Variants in KMT5B observed in about 807,000 individuals in gnomAD.
KMT5B encodes lysine methyltransferase 5B.
In KMT5B, 10 loss-of-function variants were observed where a neutral mutation model predicts 83.2. The observed-to-expected ratio is 0.12, with a 90% CI of 0.07 to 0.20. The LOEUF (loss-of-function observed/expected upper bound fraction) is 0.20, where lower values mean the gene tolerates loss of function less well. Among genes scored for constraint, KMT5B ranks in the 10% least tolerant of loss-of-function variants. The probability of loss-of-function intolerance (pLI) is 1.00; values close to 1 mark genes in which losing one functional copy is unlikely to be tolerated. For missense variants in KMT5B, 753 were observed against 1,067.2 expected (o/e 0.71, Z 4.10); for synonymous variants, 349 against 388.8 (o/e 0.90, Z 1.20).
chr11:68,163,785 T>C (rs763958024), intron 10 of KMT5B, among the ~76,000 whole-genome samples: 5 of 152,258 alleles, frequency 3.3e-5, no homozygotes, highest in African/African-American at 9.6e-5. Context: ...GTGTTAGAAT[T>C]TGGAAGCAGC....
intron 10 of KMT5B, among the ~76,000 whole-genome samples, chr11:68,163,961 T>G (rs1297583176): frequency 1.3e-5 from 2 of 152,162 alleles, no homozygotes; most frequent in African/African-American, 4.8e-5. Context: ...TTGTGGCACC[T>G]GCAGAGACCC....
chr11:68,213,095 C>G (rs1332443241), intron 1 of KMT5B, 43 bp downstream of exon 1: 1 of 138,658 alleles, frequency 7.2e-6, no homozygotes, highest in Non-Finnish European at 1.6e-5. Flanking sequence ...CCGAGGCCGC[C>G]CCCCGCACAC....
At chr11:68,194,467 A>G (rs1858476740) in intron 1 of KMT5B, among the ~76,000 whole-genome samples, 1 of 152,200 alleles carries the variant, frequency 6.6e-6, no homozygotes, top group Non-Finnish European at 1.5e-5. Context: ...TGCTACGATT[A>G]CAGGCATGAG....
At chr11:68,189,858 G>T in intron 2 of KMT5B, 59 bp downstream of exon 2, 1 of 1,503,544 alleles carries the variant, frequency 6.7e-7, no homozygotes, top group Non-Finnish European at 9.0e-7. Flanking sequence ...ATTACAAACT[G>T]GAAAGAATTA....
chr11:68,167,321 C>T (rs574007586), intron 9 of KMT5B, 143 bp from the exon 10 acceptor site: 224 of 897,170 alleles, frequency 2.5e-4, no homozygotes, highest in Non-Finnish European at 3.2e-4. Flanking sequence ...AAGACTAGAA[C>T]TCACAAAGGA....
intron 1 of KMT5B, among the ~76,000 whole-genome samples, chr11:68,190,486 C>T (rs1292736382): frequency 6.6e-6 from 1 of 152,148 alleles, no homozygotes; most frequent in Non-Finnish European, 1.5e-5. Flanking sequence ...GAGGAAGGCA[C>T]TGTTATCACA....
At chr11:68,170,134 G>A (rs1161771772) in intron 9 of KMT5B, among the ~76,000 whole-genome samples, 5 of 152,174 alleles carry the variant, frequency 3.3e-5, no homozygotes, top group Non-Finnish European at 4.4e-5. Context: ...TTTTAAAGTG[G>A]GAGAAGTGAC....
intron 1 of KMT5B, among the ~76,000 whole-genome samples, chr11:68,198,806 T>G (rs2153081486): frequency 6.6e-6 from 1 of 152,334 alleles, no homozygotes; most frequent in South Asian, 2.1e-4. Context: ...CTTGGCTCAC[T>G]GCAACCTCCG....
chr11:68,185,646 G>T, intron 3 of KMT5B, 135 bp downstream of exon 3: 1 of 780,500 alleles, frequency 1.3e-6, no homozygotes, highest in Non-Finnish European at 1.9e-6. Flanking sequence ...TTGGCTCACA[G>T]ACAGAAAACC....
intron 1 of KMT5B, among the ~76,000 whole-genome samples, chr11:68,211,751 G>A (rs922445264): frequency 6.6e-6 from 1 of 152,192 alleles, no homozygotes; most frequent in Admixed American, 6.5e-5. Context: ...GAGGAATGCC[G>A]GGCAGGGCAC....
chr11:68,166,380 C>G, intron 10 of KMT5B: 1 of 1,021,734 alleles, frequency 9.8e-7, no homozygotes, highest in Non-Finnish European at 1.2e-6. Flanking sequence ...CTTCTTTCTC[C>G]TTTCCATCTT....
chr11:68,210,209 G>A (rs1231393210), intron 1 of KMT5B, among the ~76,000 whole-genome samples: 2 of 151,926 alleles, frequency 1.3e-5, no homozygotes, highest in African/African-American at 4.8e-5. Context: ...AAATGCAACT[G>A]GCATTGTAGG....
chr11:68,174,504 T>G (rs915865086), intron 5 of KMT5B, among the ~76,000 whole-genome samples: 2 of 152,234 alleles, frequency 1.3e-5, no homozygotes, highest in Admixed American at 1.3e-4. Context: ...ATAATGAATT[T>G]CACCTCTATA....
chr11:68,195,780 A>C lies in KMT5B; in HGVS notation c.-76-5628T>G, dbSNP rs145426614. 7.2e-5 allele frequency among the ~76,000 whole-genome samples: 11 copies of C among 152,372 alleles called. No homozygotes were observed. The East Asian group carries it at 2.1e-3, about 29-fold the overall frequency. On this transcript the variant is annotated intron_variant, in intron 1 of 10. Coordinates refer to ENST00000304363, the MANE Select transcript of KMT5B (RefSeq NM_017635.5). ...TTTTTTAAATGAAAGAACACAGAGCAGAATATTTCACAATGCATCCCACAT... is the reference window on the plus strand; with the variant it reads ...TTTTTTAAATGAAAGAACACAGAGCCGAATATTTCACAATGCATCCCACAT...
intron 1 of KMT5B, among the ~76,000 whole-genome samples, chr11:68,191,875 T>A (rs966698934): frequency 4.6e-5 from 7 of 152,252 alleles, no homozygotes; most frequent in African/African-American, 1.4e-4. Flanking sequence ...CACTGACTCA[T>A]CCAGAGCAAC....
At position 68,165,573 on chromosome 11, in the gene KMT5B, G is replaced by C. The variant is rs143122514; in HGVS notation, c.1174+1409C>G. The C allele has an allele frequency of 4.6e-3, 1,427 of 310,286 alleles. 26 individuals are homozygous for C. The highest frequency in any genetic ancestry group is 0.03 in the African/African-American group (1,365 of 45,510). The allele number at this position is 310,286 out of a possible 1,614,324, so 19.2% of individuals were successfully genotyped here. A position where few individuals can be genotyped will look rare whatever the true frequency, so the allele number is the denominator to read the frequency against. On this transcript the variant is annotated intron_variant, in intron 10 of 10. Transcript: ENST00000304363. ...CAGGTCTCAAAACTCCTAGGCTCAA[G>C]TGACCCTCCCACCTCAGCCTCCCAT...
intron 1 of KMT5B, among the ~76,000 whole-genome samples, chr11:68,211,570 G>T (rs185153791): frequency 4.8e-4 from 73 of 152,282 alleles, no homozygotes; most frequent in Admixed American, 4.5e-3. Context: ...TTCATTAAGG[G>T]TCTATGAGCA....
Position 68,158,390 on chromosome 11 carries a change from C to G in KMT5B, c.1956G>C (p.Gln652His). The G allele has an allele frequency of 6.2e-7, 1 of 1,614,154 alleles. No individual in the cohort carries two copies. The highest frequency in any genetic ancestry group is 8.5e-7 in the Non-Finnish European group (1 of 1,179,990). The change falls in exon 11 of 11, where the codon CAG becomes CAC. Residue 652 changes from glutamine to histidine, a missense_variant. By Grantham distance (24) the Gln-to-His change is conservative (BLOSUM62 0). Around this residue, in one of 9 missense-constraint regions of KMT5B, gnomAD observed 397 missense variants for 395.9 expected, o/e 1.00. Transcript: ENST00000304363. Reference protein sequence around the residue: ...VPDLMGPHSDQGEHSGTVGVP... With the variant: ...VPDLMGPHSDHGEHSGTVGVP... ...CGCCCACAGTGCCACTGTGCTCACC[C>G]TGGTCAGAATGGGGACCCATCAAAT...
intron 6 of KMT5B, among the ~76,000 whole-genome samples, chr11:68,173,096 A>C (rs1227099707): frequency 3.3e-5 from 5 of 152,178 alleles, no homozygotes; most frequent in Admixed American, 1.3e-4. Flanking sequence ...GCTGGAGTGC[A>C]GTGGCGCGAT....
Sources: gnomAD v4.1 joint callset for allele counts (sites outside exome capture counted in the v4.1 genomes callset) on GRCh38, gnomAD v4.1.1 for gene constraint, gnomAD v4.1.1 regional missense constraint, MANE v1.5 for transcripts, NCBI Gene and HGNC (gene_info 2026-07-23, HGNC 2026-07-21) for gene names.